Variants in TGIF2 observed in about 807,000 individuals in gnomAD.
The protein encoded by TGIF2 is homeobox protein TGIF2.
A neutral mutation model predicts 15.1 loss-of-function variants in TGIF2; 5 were observed. The observed-to-expected ratio is 0.33, with a 90% CI of 0.17 to 0.70. The LOEUF (loss-of-function observed/expected upper bound fraction) is 0.70. TGIF2 is among the 30% of genes least tolerant of loss of function. TGIF2 has a pLI of 0.67. For missense variants in TGIF2, 264 were observed against 302.5 expected (o/e 0.87, Z 0.94); for synonymous variants, 131 against 128.9 (o/e 1.02, Z -0.11).
Position 36,591,195 on chromosome 20 carries a change from C to G in TGIF2, c.478C>G (p.Pro160Ala), listed in dbSNP as rs779230013. ...ELESPKPLVT[P>A]GSTLTLLTRA... ...GGAGTCTCCCAAGCCCCTGGTGACC[C>G]CTGGTAGCACACTTACTCTGCTGAC... Residue 160 changes from proline to alanine, a missense_variant, in exon 3 of 3, where the codon CCT becomes GCT. By Grantham distance (27) the Pro-to-Ala change is conservative. Transcript: ENST00000373872. The surrounding 1 kb of genome is among the most constrained non-coding windows in gnomAD (Gnocchi z 5.3). 1.2e-6 allele frequency: 2 copies of G among 1,614,178 alleles called. No individual in the cohort carries two copies. Among genetic ancestry groups the G allele is most frequent in the South Asian group, 1.1e-5 (1 of 91,090 alleles).
intron 2 of TGIF2, among the ~76,000 whole-genome samples, chr20:36,589,157 T>C (rs1251153817): frequency 6.6e-6 from 1 of 152,224 alleles, no homozygotes; most frequent in Non-Finnish European, 1.5e-5. Flanking sequence ...ATCTTTATAA[T>C]GCCCCCTTTA....
At chr20:36,581,320 C>T (rs1327599329) in intron 2 of TGIF2, among the ~76,000 whole-genome samples, 1 of 152,190 alleles carries the variant, frequency 6.6e-6, no homozygotes, top group Admixed American at 6.5e-5. Context: ...CACATTCTTA[C>T]CCTCGAGGAG....
rs1023985488 is a variant in TGIF2 at position 36,593,905 on chromosome 20, T to C, written c.*2474T>C. 10 of 150,802 alleles carry C rather than the reference T, an allele frequency of 6.6e-5. No individual in the cohort carries two copies. Among genetic ancestry groups the C allele is most frequent in the Admixed American group, 1.3e-4 (2 of 15,234 alleles). 9.3% of individuals were successfully genotyped at this position (150,802 alleles called of 1,614,324 possible). A position where few individuals can be genotyped will look rare whatever the true frequency, so the allele number is the denominator to read the frequency against. ...GCAAAAACTACTGTAAATAACTTTT[T>C]TGTCTTTTGTCAAATAAAATTTTTT... On this transcript the variant is annotated 3_prime_UTR_variant, in exon 3 of 3. Transcript: ENST00000373872.
intron 1 of TGIF2, among the ~76,000 whole-genome samples, 199 bp downstream of exon 1, chr20:36,573,944 G>T (rs1204116182): frequency 6.6e-6 from 1 of 151,926 alleles, no homozygotes; most frequent in Non-Finnish European, 1.5e-5. Flanking sequence ...CGCTCCGGGG[G>T]CCGGTGGGGG....
At chr20:36,589,319 A>G (rs557625242) in intron 2 of TGIF2, among the ~76,000 whole-genome samples, 2 of 152,074 alleles carry the variant, frequency 1.3e-5, no homozygotes, top group Non-Finnish European at 2.9e-5. Context: ...GGCCCAATAT[A>G]CCAGGCACTC....
intron 1 of TGIF2, among the ~76,000 whole-genome samples, chr20:36,576,194 A>G (rs1260904924): frequency 6.6e-6 from 1 of 152,190 alleles, no homozygotes; most frequent in East Asian, 1.9e-4. Flanking sequence ...ATCTAGGGAA[A>G]ATCCTTCCTT....
At chr20:36,584,163 C>T (rs1360989803) in intron 2 of TGIF2, among the ~76,000 whole-genome samples, 1 of 152,204 alleles carries the variant, frequency 6.6e-6, no homozygotes, top group Admixed American at 6.5e-5. Flanking sequence ...CCCCTACATT[C>T]CCACTACATT....
At chr20:36,588,830 A>C (rs1482365257) in intron 2 of TGIF2, among the ~76,000 whole-genome samples, 1 of 152,196 alleles carries the variant, frequency 6.6e-6, no homozygotes, top group Non-Finnish European at 1.5e-5. Flanking sequence ...GGACCAGAAG[A>C]AGGACCTAGA....
chr20:36,583,688 G>GGAGTTT (rs2038592697), intron 2 of TGIF2, among the ~76,000 whole-genome samples: 1 of 152,128 alleles, frequency 6.6e-6, no homozygotes, highest in Non-Finnish European at 1.5e-5. Flanking sequence ...CCTGAGGTCA[G>GGAGTTT]GAGTTTGAGG....
At chr20:36,590,264 G>A (rs887130048) in intron 2 of TGIF2, among the ~76,000 whole-genome samples, 1 of 152,084 alleles carries the variant, frequency 6.6e-6, no homozygotes, top group East Asian at 1.9e-4. Context: ...GCCGGGGGAG[G>A]GTCTTCATGT....
chr20:36,585,663 G>C (rs1020815616), intron 2 of TGIF2, among the ~76,000 whole-genome samples: 7 of 152,156 alleles, frequency 4.6e-5, no homozygotes, highest in African/African-American at 1.7e-4. Context: ...CAACTAACTG[G>C]TTTGCTGGTA....
chr20:36,586,099 A>G (rs1463686203), intron 2 of TGIF2, among the ~76,000 whole-genome samples: 1 of 152,200 alleles, frequency 6.6e-6, no homozygotes, highest in East Asian at 1.9e-4. Context: ...CCAGGGATGT[A>G]GGAGCTGCTC....
At chr20:36,574,189 G>T (rs1245163991) in intron 1 of TGIF2, among the ~76,000 whole-genome samples, 2 of 151,990 alleles carry the variant, frequency 1.3e-5, no homozygotes, top group Non-Finnish European at 2.9e-5. Flanking sequence ...CGCGGGAAGG[G>T]CCCGGAGCGG....
intron 2 of TGIF2, among the ~76,000 whole-genome samples, chr20:36,585,465 TAAAAAAAAAAA>T (rs998173848): frequency 1.9e-5 from 2 of 104,056 alleles, no homozygotes; most frequent in Non-Finnish European, 3.9e-5. Flanking sequence ...ACTCTGTCTT[TAAAAAAAAAAA>T]AAAAAAAAAA....
intron 2 of TGIF2, among the ~76,000 whole-genome samples, chr20:36,589,433 C>T (rs975015910): frequency 6.6e-6 from 1 of 151,740 alleles, no homozygotes; most frequent in Admixed American, 6.6e-5. Flanking sequence ...CACTCTGTTA[C>T]CCACGCTGGA....
rs1277061252 is a variant in TGIF2, at chr20:36,593,244, G to A, written c.*1813G>A. 1 of 147,696 alleles carries A rather than the reference G, an allele frequency of 6.8e-6. No homozygotes were observed. The highest frequency in any genetic ancestry group is 2.5e-5 in the African/African-American group (1 of 39,370). 9.1% of individuals were successfully genotyped at this position (147,696 alleles called of 1,614,324 possible). Reference sequence around the variant, plus strand: ...CTGAAATCACCAGGTCAGGCACAAGGAGAAAAGGTTCCTGGATACTGACTA... The same window carrying A: ...CTGAAATCACCAGGTCAGGCACAAGAAGAAAAGGTTCCTGGATACTGACTA... On this transcript the variant is annotated 3_prime_UTR_variant, in exon 3 of 3. Coordinates refer to ENST00000373872, the MANE Select transcript of TGIF2 (RefSeq NM_021809.7).
chr20:36,577,075 C>T (rs1165648081), intron 1 of TGIF2, among the ~76,000 whole-genome samples: 2 of 152,054 alleles, frequency 1.3e-5, no homozygotes, highest in East Asian at 1.9e-4. Flanking sequence ...TGCACTGGTG[C>T]GATCATAGCT....
intron 2 of TGIF2, among the ~76,000 whole-genome samples, chr20:36,589,191 TTGG>T (rs1186213657): frequency 1.3e-5 from 2 of 152,184 alleles, no homozygotes; most frequent in African/African-American, 4.8e-5. Context: ...TGGGGGCTTG[TTGG>T]TGGTTATTCA....
At position 36,590,906 on chromosome 20, in the gene TGIF2, C is replaced by A. The variant is rs930552536; in HGVS notation, c.193-4C>A. ...AATTGATCGGTCTTGTATATTCATTCCAGATATGTAACTGGTTCATCAATG... is the reference window on the plus strand; with the variant it reads ...AATTGATCGGTCTTGTATATTCATTACAGATATGTAACTGGTTCATCAATG... On this transcript the variant is annotated splice_polypyrimidine_tract_variant and splice_region_variant and intron_variant, in intron 2 of 2. Coordinates refer to ENST00000373872, the MANE Select transcript of TGIF2 (RefSeq NM_021809.7). The A allele has an allele frequency of 7.1e-5, 108 of 1,514,472 alleles. No homozygotes were observed. The highest frequency in any genetic ancestry group is 9.0e-5 in the Non-Finnish European group (102 of 1,129,804). The allele number at this position is 1,514,472 out of a possible 1,614,324, so 93.8% of individuals were successfully genotyped here.
Sources: gnomAD v4.1 joint callset for allele counts (sites outside exome capture counted in the v4.1 genomes callset) on GRCh38, gnomAD v4.1.1 for gene constraint, Gnocchi (gnomAD v3.1) non-coding constraint, MANE v1.5 for transcripts, NCBI Gene and HGNC (gene_info 2026-07-23, HGNC 2026-07-21) for gene names.